SNAP91: variants seen among roughly 807,000 people sequenced by gnomAD.
SNAP91 encodes the protein synaptosome associated protein 91, also known as clathrin coat assembly protein AP180.
Under a neutral mutation model 100.3 loss-of-function variants are expected in SNAP91, and 27 were observed. The observed-to-expected ratio is 0.27, with a 90% CI of 0.20 to 0.37. The LOEUF is 0.37. Among genes scored for constraint, SNAP91 ranks in the 10% least tolerant of loss-of-function variants. The probability of loss-of-function intolerance (pLI) is 1.00; values close to 1 mark genes in which losing one functional copy is unlikely to be tolerated. For synonymous variants in SNAP91, 404 were observed against 398.6 expected, an observed-to-expected ratio of 1.01 and a Z score of -0.16; for missense variants, 986 against 1,123.7, an observed-to-expected ratio of 0.88 and a Z score of 1.75.
chr6:83,656,861 T>C lies in SNAP91; in HGVS notation c.551A>G (p.His184Arg), dbSNP rs553636935. 3 of 1,553,668 alleles carry C rather than the reference T, an allele frequency of 1.9e-6. No individual in the cohort carries two copies. In the African/African-American group the frequency reaches 4.1e-5, roughly 21 times the overall value. The change falls in exon 7 of 30, where the codon CAT (histidine) becomes CGT (arginine). Residue 184 changes from histidine to arginine, a missense_variant. This residue lies in a region of SNAP91 where 330 missense variants were observed against 447.5 expected (regional missense o/e 0.74). Transcript: ENST00000369694. ...GACACCATTTGTTAGTTCATTTGGA[T>C]GCACCTAGAAAAACAGAAAAATTTA... ...QIDALLEFDV[H>R]PNELTNGVIN...
At chr6:83,593,855 G>A in intron 17 of SNAP91, 114 bp from the exon 18 acceptor site, 2 of 1,418,976 alleles carry the variant, frequency 1.4e-6, no homozygotes, top group East Asian at 2.3e-5. Flanking sequence ...CTAGCTAGGT[G>A]TGAGGCTCCT....
At chr6:83,563,767 A>C (rs1792170356) in intron 26 of SNAP91, among the ~76,000 whole-genome samples, 1 of 152,242 alleles carries the variant, frequency 6.6e-6, no homozygotes, top group Admixed American at 6.5e-5. Context: ...TTATAATAGC[A>C]TCAACAATAA....
chr6:83,688,649 A>C (rs1335921993), intron 2 of SNAP91, among the ~76,000 whole-genome samples: 2 of 152,000 alleles, frequency 1.3e-5, no homozygotes, highest in Non-Finnish European at 2.9e-5. Context: ...GACTACAGAC[A>C]TATGTTATCA....
intron 17 of SNAP91, 52 bp downstream of exon 17, chr6:83,594,322 G>T (rs542771144): frequency 1.4e-6 from 2 of 1,396,456 alleles, no homozygotes; most frequent in South Asian, 1.2e-5. Context: ...AACTACGGGG[G>T]TTTTACATTA....
At chr6:83,696,956 A>T (rs1554371104) in intron 2 of SNAP91, among the ~76,000 whole-genome samples, 1 of 152,208 alleles carries the variant, frequency 6.6e-6, no homozygotes, top group Non-Finnish European at 1.5e-5. Context: ...TGAAAGACTC[A>T]GTACTGAAAG....
chr6:83,623,273 T>A (rs1469540286), intron 9 of SNAP91, 28 bp downstream of exon 9: 1 of 1,570,450 alleles, frequency 6.4e-7, no homozygotes, highest in South Asian at 1.1e-5. Context: ...TCATGCATAC[T>A]GAATCTTCCA....
chr6:83,574,044 T>A (rs1813568996), intron 26 of SNAP91, among the ~76,000 whole-genome samples: 2 of 152,122 alleles, frequency 1.3e-5, no homozygotes, highest in Non-Finnish European at 1.5e-5. Flanking sequence ...AATTTTTAAT[T>A]AGAATTTATA....
intron 6 of SNAP91, among the ~76,000 whole-genome samples, chr6:83,657,379 C>T (rs114325799): frequency 0.011 from 1,718 of 152,262 alleles, 23 homozygotes; most frequent in African/African-American, 0.036. Context: ...AATTTCTCCC[C>T]ACTCCTCAAT....
chr6:83,698,629 A>G (rs1056006754), intron 2 of SNAP91, among the ~76,000 whole-genome samples: 5 of 152,194 alleles, frequency 3.3e-5, no homozygotes, highest in Non-Finnish European at 1.5e-5. Flanking sequence ...TGCTCTTCCT[A>G]GGCTCTGGGT....
chr6:83,646,072 T>C (rs138751357), intron 7 of SNAP91, among the ~76,000 whole-genome samples: 15 of 152,328 alleles, frequency 9.8e-5, no homozygotes, highest in African/African-American at 3.6e-4. Context: ...TTAATTGGGT[T>C]GTTTTATTAT....
intron 3 of SNAP91, 28 bp from the exon 4 acceptor site, chr6:83,662,450 C>A: frequency 1.1e-6 from 1 of 931,654 alleles, no homozygotes; most frequent in South Asian, 2.3e-5. Context: ...GAATTAAACA[C>A]ACATTTTAAA....
chr6:83,590,557 A>G (rs2093599158), intron 22 of SNAP91, among the ~76,000 whole-genome samples: 1 of 152,058 alleles, frequency 6.6e-6, no homozygotes, highest in South Asian at 2.1e-4. Flanking sequence ...TGTTAAAAAA[A>G]AAAACAAAAA....
Position 83,556,257 on chromosome 6 carries a change from A to T in SNAP91, c.2632-12T>A. 1 of 1,429,446 alleles carries T rather than the reference A, an allele frequency of 7.0e-7. No individual in the cohort carries two copies. Among genetic ancestry groups the T allele is most frequent in the South Asian group, 1.2e-5 (1 of 81,442 alleles). 88.5% of individuals were successfully genotyped at this position (1,429,446 alleles called of 1,614,324 possible). On this transcript the variant is annotated splice_polypyrimidine_tract_variant and intron_variant, in intron 28 of 29. Transcript: ENST00000369694. ...GGGCTTGGAGAAAGCTAATGGGAAA[A>T]AGCCAGCCCCAAAGAGCAGGAATAG...
chr6:83,686,179 T>C, intron 2 of SNAP91: 2 of 985,384 alleles, frequency 2.0e-6, no homozygotes, highest in Non-Finnish European at 2.4e-6. Flanking sequence ...CAACACTGTT[T>C]TTTGTTTTTT....
At chr6:83,611,896 G>GTTTTTTTTT (rs2096129118) in intron 11 of SNAP91, among the ~76,000 whole-genome samples, 1 of 118,034 alleles carries the variant, frequency 8.5e-6, no homozygotes, top group Non-Finnish European at 1.7e-5. Flanking sequence ...TTTTTTTTTG[G>GTTTTTTTTT]ATTTTTAGTA....
At chr6:83,618,749 A>G (rs1409998507) in intron 9 of SNAP91, among the ~76,000 whole-genome samples, 1 of 151,948 alleles carries the variant, frequency 6.6e-6, no homozygotes, top group Non-Finnish European at 1.5e-5. Flanking sequence ...TAAACTTTTC[A>G]TATTTATATT....
At chr6:83,565,318 GAACA>G (rs979010450) in intron 26 of SNAP91, among the ~76,000 whole-genome samples, 3 of 152,026 alleles carry the variant, frequency 2.0e-5, no homozygotes, top group African/African-American at 4.8e-5. Flanking sequence ...GAGGGCATCA[GAACA>G]AAATGCAAAA....
intron 22 of SNAP91, among the ~76,000 whole-genome samples, chr6:83,585,136 A>G (rs2092221226): frequency 6.6e-6 from 1 of 152,190 alleles, no homozygotes; most frequent in Non-Finnish European, 1.5e-5. Flanking sequence ...TAACTAACTG[A>G]AAAGTTTTAG....
At chr6:83,708,071 C>T (rs2099404040) in intron 1 of SNAP91, 114 bp from the exon 2 acceptor site, 1 of 865,010 alleles carries the variant, frequency 1.2e-6, no homozygotes, top group African/African-American at 1.8e-5. Context: ...CATCCCCACC[C>T]TGGCACCACC....
Sources: allele counts gnomAD v4.1 joint callset (sites outside exome capture counted in the v4.1 genomes callset), GRCh38; gene constraint gnomAD v4.1.1; regional missense constraint gnomAD v4.1.1; transcripts MANE v1.5; gene names NCBI Gene and HGNC (gene_info 2026-07-23, HGNC 2026-07-21).